Variants in MAZ observed in about 807,000 individuals in gnomAD.
MAZ encodes MYC associated zinc finger protein, also known as myc-associated zinc finger protein.
MAZ carries 4 observed loss-of-function variants against 32.7 expected under a neutral mutation model. The observed-to-expected ratio is 0.12, with a 90% CI of 0.06 to 0.28. The LOEUF (loss-of-function observed/expected upper bound fraction) is 0.28, where lower values mean the gene tolerates loss of function less well. MAZ is among the 10% of genes least tolerant of loss of function. The pLI is 1.00. For missense variants in MAZ, 763 were observed against 667.2 expected (o/e 1.14, Z -1.58); for synonymous variants, 510 against 297.6 (o/e 1.71, Z -7.35).
At chr16:29,809,599 C>T (rs1458870175) in intron 4 of MAZ, 2 of 1,612,284 alleles carry the variant, frequency 1.2e-6, no homozygotes, top group African/African-American at 2.7e-5. Flanking sequence ...GCTCCAGGCC[C>T]CGCGGGCTGA....
rs1899895419 is a variant in MAZ at position 29,810,617 on chromosome 16, CCT to C, written c.*387_*388del. The C allele has an allele frequency of 1.6e-6, 1 of 640,758 alleles. No individual in the cohort carries two copies. The highest frequency in any genetic ancestry group is 2.8e-6 in the Non-Finnish European group (1 of 354,240). The allele number at this position is 640,758 out of a possible 1,614,324, so 39.7% of individuals were successfully genotyped here. A position where few individuals can be genotyped will look rare whatever the true frequency, so the allele number is the denominator to read the frequency against. On this transcript the variant is annotated 3_prime_UTR_variant, in exon 5 of 5. Transcript: ENST00000322945. ...TCTTCTCTCCTTCCAGTCCTCTCCC[CCT>C]GCTGTCTGCAGCCCCTCCCCGGGGA...
chr16:29,809,959 C>A, intron 4 of MAZ, 118 bp from the exon 5 acceptor site: 1 of 1,492,390 alleles, frequency 6.7e-7, no homozygotes, highest in South Asian at 1.3e-5. Flanking sequence ...CTCTGGGGTC[C>A]AGATAGGAAG....
At chr16:29,809,656 C>T (rs1273306912) in intron 4 of MAZ, 1 of 1,587,532 alleles carries the variant, frequency 6.3e-7, no homozygotes, top group Non-Finnish European at 8.6e-7. Flanking sequence ...GACCCCTGCC[C>T]AGCTGGCCGG....
intron 4 of MAZ, chr16:29,809,718 C>CT (rs1899800412): frequency 6.8e-7 from 1 of 1,472,054 alleles, no homozygotes; most frequent in Non-Finnish European, 9.0e-7. Context: ...CGGGAGACGC[C>CT]CCCCAGCCAC....
At chr16:29,808,080 C>T in intron 2 of MAZ, 150 bp from the exon 3 acceptor site, 5 of 973,220 alleles carry the variant, frequency 5.1e-6, no homozygotes, top group Non-Finnish European at 7.7e-6. Context: ...GGCTGCTGGG[C>T]TCCAGGGGAG....
rs1376498081 is a variant in MAZ at position 29,807,646 on chromosome 16, C to T, written c.861C>T (p.Ala287=). Residue 287 remains alanine, a synonymous_variant, in exon 2 of 5, where the codon GCC becomes GCT. Transcript: ENST00000322945. ...ATGCCTGCGAGATGTGTGGCAAGGCCTTCCGCGACGTCTACCACCTGAACC... is the reference window on the plus strand; with the variant it reads ...ATGCCTGCGAGATGTGTGGCAAGGCTTTCCGCGACGTCTACCACCTGAACC... ...KNHACEMCGK[A]FRDVYHLNRH... 1.7e-5 allele frequency: 27 copies of T among 1,612,708 alleles called. No individual in the cohort carries two copies. Among genetic ancestry groups the T allele is most frequent in the African/African-American group, 2.7e-5 (2 of 74,924 alleles).
At chr16:29,806,527 C>T (rs1479586616), upstream of MAZ, 2 of 686,240 alleles carry the variant, frequency 2.9e-6, no homozygotes, top group Non-Finnish European at 3.5e-6. Flanking sequence ...CCGCAAGGCG[C>T]CCTCTTTTCC....
chr16:29,810,013 G>T, intron 4 of MAZ, 64 bp from the exon 5 acceptor site: 5 of 1,557,776 alleles, frequency 3.2e-6, no homozygotes, highest in Non-Finnish European at 4.3e-6. Flanking sequence ...GGGAAGGTGT[G>T]GGGTGAGGGC....
At position 29,810,815 on chromosome 16, in the gene MAZ, C is replaced by G; in HGVS notation, c.*584C>G. 1 of 347,940 alleles carries G rather than the reference C, an allele frequency of 2.9e-6. No homozygotes were observed. The highest frequency in any genetic ancestry group is 5.6e-6 in the Non-Finnish European group (1 of 178,608). 21.6% of individuals were successfully genotyped at this position (347,940 alleles called of 1,614,324 possible). ...TGGTATGGGGGGTTGGGGTCAGGCC[C>G]TGAACATCGTCCTACTTGAGAATCT... On this transcript the variant is annotated 3_prime_UTR_variant, in exon 5 of 5. Coordinates refer to ENST00000322945, the MANE Select transcript of MAZ (RefSeq NM_002383.4).
chr16:29,806,852 C>A lies in MAZ; in HGVS notation c.151C>A (p.Arg51Ser). The change falls in exon 1 of 5, where the codon CGC becomes AGC. Residue 51 changes from arginine to serine, a missense_variant. Arg to Ser is a moderately radical substitution (Grantham distance 110). Transcript: ENST00000322945. The stretch of plus-strand genomic sequence containing the variant: ...GCAGGTCGGGGCTGAGCTCCAGTCC[C>A]GCTTCTTTGCCTCCCAGGGCTGCGC... ...PLQVGAELQS[R>S]FFASQGCAQS... 2 of 1,440,144 alleles carry A rather than the reference C, an allele frequency of 1.4e-6. No homozygotes were observed. Among genetic ancestry groups the A allele is most frequent in the South Asian group, 1.3e-5 (1 of 76,976 alleles). The allele number at this position is 1,440,144 out of a possible 1,614,324, so 89.2% of individuals were successfully genotyped here.
At position 29,810,642 on chromosome 16, in the gene MAZ, G is replaced by A. The variant is rs1482133473; in HGVS notation, c.*411G>A. 3 of 607,910 alleles carry A rather than the reference G, an allele frequency of 4.9e-6. No individual in the cohort carries two copies. Among genetic ancestry groups the A allele is most frequent in the Non-Finnish European group, 8.8e-6 (3 of 340,072 alleles). The allele number at this position is 607,910 out of a possible 1,614,324, so 37.7% of individuals were successfully genotyped here. ...CCTGCTGTCTGCAGCCCCTCCCCGG[G>A]GAGTTGGTGCTTTCTTTTCCTTTTT... On this transcript the variant is annotated 3_prime_UTR_variant, in exon 5 of 5. Coordinates refer to ENST00000322945, the MANE Select transcript of MAZ (RefSeq NM_002383.4).
In MAZ at chr16:29,808,754, G is replaced by A; in HGVS notation, c.1279+13G>A. 6.2e-7 allele frequency: 1 copy of A among 1,612,342 alleles called. No homozygotes were observed. The highest frequency in any genetic ancestry group is 8.5e-7 in the Non-Finnish European group (1 of 1,179,296). On this transcript the variant is annotated intron_variant, in intron 4 of 4. Transcript: ENST00000322945. Reference sequence around the variant, plus strand: ...CTCTGCAACAAAGGTACATGCCGAGGGCTGCCGGGAGGGCCAGGGGCAGAG... The same window carrying A: ...CTCTGCAACAAAGGTACATGCCGAGAGCTGCCGGGAGGGCCAGGGGCAGAG...
At chr16:29,809,850 G>A (rs1899812985) in intron 4 of MAZ, 3 of 962,140 alleles carry the variant, frequency 3.1e-6, no homozygotes, top group Non-Finnish European at 4.5e-6. Flanking sequence ...ATCTCAGGAA[G>A]GCGAGGGATG....
rs1217211525 is a variant in MAZ at position 29,808,611 on chromosome 16, G to T, written c.1149G>T (p.Ala383=). The change falls in exon 4 of 5, where the codon GCG becomes GCT. Residue 383 remains alanine, a synonymous_variant. Coordinates refer to ENST00000322945, the MANE Select transcript of MAZ (RefSeq NM_002383.4). ...TCGCCACGAAGGATCGGCTGCGGGC[G>T]CACACAGTACGACACGAGGAGAAAG... ...AAFATKDRLR[A]HTVRHEEKVP... 2 of 1,613,044 alleles carry T rather than the reference G, an allele frequency of 1.2e-6. No homozygotes were observed. Among genetic ancestry groups the T allele is most frequent in the African/African-American group, 1.3e-5 (1 of 74,770 alleles).
intron 4 of MAZ, chr16:29,809,429 G>A: frequency 1.4e-6 from 1 of 711,378 alleles, no homozygotes; most frequent in African/African-American, 1.8e-5. Flanking sequence ...GGATACCGTG[G>A]GAGGAGGACA....
rs1899786755 is a variant in MAZ, at chr16:29,809,563, C to T, written c.1280-514C>T. On this transcript the variant is annotated intron_variant, in intron 4 of 4. Transcript: ENST00000322945. ...AGGCTTCACCACGGCAGCATACCTG[C>T]GCATCCACGCGGTGAAGGACCACGG... 2 of 1,611,820 alleles carry T rather than the reference C, an allele frequency of 1.2e-6. No homozygotes were observed. The highest frequency in any genetic ancestry group is 1.7e-6 in the Non-Finnish European group (2 of 1,179,306).
At chr16:29,809,753 C>A in intron 4 of MAZ, 1 of 1,420,490 alleles carries the variant, frequency 7.0e-7, no homozygotes, top group East Asian at 2.5e-5. Context: ...GGGGGACCCC[C>A]GCACCCACCA....
rs370477486 is a variant in MAZ at position 29,810,618 on chromosome 16, C to G, written c.*387C>G. ...CTTCTCTCCTTCCAGTCCTCTCCCC[C>G]TGCTGTCTGCAGCCCCTCCCCGGGG... On this transcript the variant is annotated 3_prime_UTR_variant, in exon 5 of 5. Coordinates refer to ENST00000322945, the MANE Select transcript of MAZ (RefSeq NM_002383.4). 4.7e-6 allele frequency: 3 copies of G among 637,754 alleles called. No individual in the cohort carries two copies. The East Asian group carries it at 8.5e-5, about 18-fold the overall frequency. The allele number at this position is 637,754 out of a possible 1,614,324, so 39.5% of individuals were successfully genotyped here.
Position 29,807,708 on chromosome 16 carries a change from A to G in MAZ, c.923A>G (p.Gln308Arg). The G allele has an allele frequency of 6.2e-7, 1 of 1,612,944 alleles. No homozygotes were observed. The highest frequency in any genetic ancestry group is 8.5e-7 in the Non-Finnish European group (1 of 1,179,984). Residue 308 changes from glutamine (Q) to arginine (R), a missense_variant, in exon 2 of 5, where the codon CAG becomes CGG. Transcript: ENST00000322945. ...TCGCACTCGGACGAGAAGCCCTACC[A>G]GTGCCCGGTGTGCCAGCAGCGCTTC... is the stretch of plus-strand genomic sequence containing the variant. ...KLSHSDEKPY[Q>R]CPVCQQRFKR...
Sources: gnomAD v4.1 joint callset for allele counts on GRCh38, gnomAD v4.1.1 for gene constraint, MANE v1.5 for transcripts, NCBI Gene and HGNC (gene_info 2026-07-23, HGNC 2026-07-21) for gene names.